Variants in PTPRD observed in about 807,000 individuals in gnomAD.
PTPRD encodes protein tyrosine phosphatase receptor type D, also known as receptor-type tyrosine-protein phosphatase delta.
In PTPRD, 34 loss-of-function variants were observed where a neutral mutation model predicts 214.5. The observed-to-expected ratio is 0.16, with a 90% CI of 0.12 to 0.21. The LOEUF (loss-of-function observed/expected upper bound fraction) is 0.21, where lower values mean the gene tolerates loss of function less well. PTPRD is among the 10% of genes least tolerant of loss of function. PTPRD has a pLI of 1.00. For synonymous variants in PTPRD, 1,128 were observed against 845.7 expected (o/e 1.33, Z -5.79); for missense variants, 2,545 against 2,398.7 (o/e 1.06, Z -1.27).
intron 7 of PTPRD, among the ~76,000 whole-genome samples, chr9:9,627,160 CA>C (rs1300740264): frequency 6.6e-6 from 1 of 152,016 alleles, no homozygotes; most frequent in Non-Finnish European, 1.5e-5. Flanking sequence ...CCAAAAAATA[CA>C]AAAATTAGCC....
intron 9 of PTPRD, among the ~76,000 whole-genome samples, chr9:9,362,561 C>G (rs1048703042): frequency 6.6e-6 from 1 of 151,054 alleles, no homozygotes; most frequent in Admixed American, 6.6e-5. Context: ...TGTATAACTT[C>G]ATTTCTAAAA....
chr9:8,333,161 G>A (rs1178057973), intron 43 of PTPRD, among the ~76,000 whole-genome samples: 1 of 152,114 alleles, frequency 6.6e-6, no homozygotes, highest in Admixed American at 6.6e-5. Flanking sequence ...AAAACTATTT[G>A]GCCCCATAAG....
chr9:8,798,732 G>C (rs572538983), intron 11 of PTPRD, among the ~76,000 whole-genome samples: 2 of 152,260 alleles, frequency 1.3e-5, no homozygotes, highest in Admixed American at 6.5e-5. Context: ...TTTACAGGTA[G>C]TTAAATGCAT....
At chr9:8,975,774 T>C (rs1203239586) in intron 11 of PTPRD, among the ~76,000 whole-genome samples, 1 of 147,764 alleles carries the variant, frequency 6.8e-6, no homozygotes, top group Admixed American at 6.9e-5. Context: ...TACAGAAAAC[T>C]ATATTGAGAA....
intron 3 of PTPRD, among the ~76,000 whole-genome samples, chr9:10,328,965 T>C (rs1448727936): frequency 6.6e-5 from 10 of 151,754 alleles, no homozygotes; most frequent in Non-Finnish European, 1.2e-4. Flanking sequence ...GTGCAAAATA[T>C]ATACTGTATC....
chr9:10,572,842 C>T (rs929877076), intron 2 of PTPRD, among the ~76,000 whole-genome samples: 1 of 152,066 alleles, frequency 6.6e-6, no homozygotes, highest in Non-Finnish European at 1.5e-5. Flanking sequence ...CAGTGTCCAT[C>T]CACAGAGCTC....
chr9:9,580,958 A>G (rs933963727), intron 7 of PTPRD, among the ~76,000 whole-genome samples: 6 of 152,052 alleles, frequency 3.9e-5, no homozygotes, highest in Non-Finnish European at 8.8e-5. Context: ...GTCAAATATT[A>G]TCTTCCATTC....
At chr9:9,392,299 C>T (rs1349185919) in intron 9 of PTPRD, among the ~76,000 whole-genome samples, 3 of 152,104 alleles carry the variant, frequency 2.0e-5, no homozygotes, top group African/African-American at 7.2e-5. Context: ...CATAAACCTG[C>T]TTACAATGCA....
chr9:9,330,748 G>T lies in PTPRD; in HGVS notation c.-203+66701C>A, dbSNP rs114872310. ...GATTTGTAGAGAGAAAAAAGTCATT[G>T]AATTTTTGCTTAGGGGAATAAGTGA... On this transcript the variant is annotated intron_variant, in intron 9 of 45. Coordinates refer to ENST00000381196, the MANE Select transcript of PTPRD (RefSeq NM_002839.4). Among the ~76,000 whole-genome samples, 7 of 151,786 alleles carry T rather than the reference G, an allele frequency of 4.6e-5. No homozygotes were observed. In the East Asian group the frequency reaches 9.7e-4, roughly 21 times the overall value.
rs565060997 is a variant in PTPRD at position 10,073,049 on chromosome 9, G to C, written c.-544-39259C>G. 3.3e-5 allele frequency among the ~76,000 whole-genome samples: 5 copies of C among 152,200 alleles called. No homozygotes were observed. The East Asian group carries it at 7.8e-4, about 24-fold the overall frequency. On this transcript the variant is annotated intron_variant, in intron 3 of 45. Transcript: ENST00000381196. ...AATATCGATTAATACATTTTGCTAA[G>C]TGAGCCAAACCAGTCCAAAATGGTG...
chr9:9,745,354 C>T (rs1379215135), intron 6 of PTPRD, among the ~76,000 whole-genome samples: 1 of 152,060 alleles, frequency 6.6e-6, no homozygotes, highest in African/African-American at 2.4e-5. Context: ...TGTTAAGCTG[C>T]TTCCTAGAAG....
intron 4 of PTPRD, among the ~76,000 whole-genome samples, chr9:10,011,670 T>C (rs914383245): frequency 6.6e-6 from 1 of 152,010 alleles, no homozygotes; most frequent in Non-Finnish European, 1.5e-5. Context: ...AAAATATACA[T>C]TGTAACATGT....
intron 5 of PTPRD, among the ~76,000 whole-genome samples, chr9:9,891,081 A>C (rs1369636007): frequency 6.6e-6 from 1 of 152,124 alleles, no homozygotes; most frequent in Admixed American, 6.6e-5. Context: ...AAGCTTGGTC[A>C]TATGGTCATG....
At chr9:10,192,488 C>G (rs973575490) in intron 3 of PTPRD, among the ~76,000 whole-genome samples, 1 of 139,398 alleles carries the variant, frequency 7.2e-6, no homozygotes, top group East Asian at 2.3e-4. Context: ...CATTTTATCA[C>G]TACATTCCTT....
intron 12 of PTPRD, among the ~76,000 whole-genome samples, chr9:8,708,141 T>TG (rs1285164299): frequency 3.9e-5 from 6 of 152,226 alleles, no homozygotes; most frequent in African/African-American, 1.4e-4. Flanking sequence ...AATTTATATC[T>TG]GTTCTTTGTT....
In PTPRD at chr9:10,469,189, C is replaced by T. The variant is rs148343925; in HGVS notation, c.-599-128172G>A. ...AACAAAAGACAAACATTATGGTTGCCCATACAGAAAACAACTTCAGTTATG... is the reference window on the plus strand; with the variant it reads ...AACAAAAGACAAACATTATGGTTGCTCATACAGAAAACAACTTCAGTTATG... On this transcript the variant is annotated intron_variant, in intron 2 of 45. Coordinates refer to ENST00000381196, the MANE Select transcript of PTPRD (RefSeq NM_002839.4). 4.6e-3 allele frequency among the ~76,000 whole-genome samples: 700 copies of T among 152,054 alleles called. 1 individual carries two copies. The highest frequency in any genetic ancestry group is 0.016 in the African/African-American group (663 of 41,480).
At chr9:8,654,997 C>T (rs1056239839) in intron 12 of PTPRD, among the ~76,000 whole-genome samples, 5 of 151,734 alleles carry the variant, frequency 3.3e-5, no homozygotes, top group East Asian at 1.9e-4. Flanking sequence ...CATACTAAAA[C>T]GTAGGATAAT....
chr9:9,191,275 T>C (rs887497832), intron 9 of PTPRD, among the ~76,000 whole-genome samples: 2 of 152,088 alleles, frequency 1.3e-5, no homozygotes, highest in African/African-American at 4.8e-5. Context: ...TGAAGGCTTG[T>C]CAACAATCCT....
At chr9:9,818,630 A>T (rs1170158943) in intron 5 of PTPRD, among the ~76,000 whole-genome samples, 5 of 152,132 alleles carry the variant, frequency 3.3e-5, no homozygotes, top group Admixed American at 1.3e-4. Context: ...TCCAGTAAAG[A>T]AAATGGGTCG....
Sources: allele counts gnomAD v4.1 joint callset (sites outside exome capture counted in the v4.1 genomes callset), GRCh38; gene constraint gnomAD v4.1.1; transcripts MANE v1.5; gene names NCBI Gene and HGNC (gene_info 2026-07-23, HGNC 2026-07-21).